ATG2B: variants seen among roughly 807,000 people sequenced by gnomAD.
ATG2B encodes the protein autophagy-related protein 2 homolog B.
A neutral mutation model predicts 241.3 loss-of-function variants in ATG2B; 121 were observed. The observed-to-expected ratio is 0.50, with a 90% CI of 0.43 to 0.58. ATG2B has a LOEUF of 0.58. ATG2B is among the 20% of genes least tolerant of loss of function. The pLI is 0.00. For missense variants in ATG2B, 2,306 were observed against 2,491.6 expected, an observed-to-expected ratio of 0.93 and a Z score of 1.59; for synonymous variants, 858 against 876.6, an observed-to-expected ratio of 0.98 and a Z score of 0.37.
chr14:96,345,184 A>T (rs1259865240), intron 3 of ATG2B, 49 bp downstream of exon 3: 6 of 1,515,760 alleles, frequency 4.0e-6, no homozygotes, highest in Non-Finnish European at 4.5e-6. Context: ...GAAGGTACAA[A>T]ACTACTAAAT....
chr14:96,355,794 TAG>T (rs1261808536), intron 1 of ATG2B, among the ~76,000 whole-genome samples: 1 of 152,152 alleles, frequency 6.6e-6, no homozygotes, highest in African/African-American at 2.4e-5. Context: ...CGTAATTCCA[TAG>T]ATTAACTAGG....
intron 6 of ATG2B, among the ~76,000 whole-genome samples, chr14:96,340,261 T>C (rs1385616591): frequency 6.8e-6 from 1 of 146,570 alleles, no homozygotes; most frequent in Non-Finnish European, 1.5e-5. Flanking sequence ...TCATCCTATA[T>C]ATGGACCCAT....
At chr14:96,314,022 A>G (rs1012456391) in intron 23 of ATG2B, among the ~76,000 whole-genome samples, 1 of 152,176 alleles carries the variant, frequency 6.6e-6, no homozygotes, top group Non-Finnish European at 1.5e-5. Context: ...CTCAGTCTAA[A>G]AACCAGTCCC....
At chr14:96,340,087 A>AATATATATATTC (rs1362017978) in intron 6 of ATG2B, among the ~76,000 whole-genome samples, 1 of 122,734 alleles carries the variant, frequency 8.1e-6, no homozygotes, top group Non-Finnish European at 1.8e-5. Context: ...GATATATATG[A>AATATATATATTC]ATATATGCTA....
rs531337022 is a variant in ATG2B at position 96,283,673 on chromosome 14, C to A, written c.*2082G>T. The A allele has an allele frequency of 1.4e-4, 21 of 152,150 alleles. No individual in the cohort carries two copies. The highest frequency in any genetic ancestry group is 5.1e-4 in the African/African-American group (21 of 41,440). The allele number at this position is 152,150 out of a possible 1,614,324, so 9.4% of individuals were successfully genotyped here. A position where few individuals can be genotyped will look rare whatever the true frequency, so the allele number is the denominator to read the frequency against. On this transcript the variant is annotated 3_prime_UTR_variant, in exon 42 of 42. Transcript: ENST00000359933. ...TACTGTGTCATCACAACACCAAAGT[C>A]TGAAAAGACACTTGTAAAAAAGAAA...
rs761588752 is a variant in ATG2B at position 96,309,612 on chromosome 14, A to G, written c.4162-18T>C. On this transcript the variant is annotated intron_variant, in intron 28 of 41. Transcript: ENST00000359933. Reference sequence around the variant, plus strand: ...GAATCTACCTATAGCCAAAAAACCTAATTAAAAATAACTGAAAATGCTCTT... The same window carrying G: ...GAATCTACCTATAGCCAAAAAACCTGATTAAAAATAACTGAAAATGCTCTT... 3 of 1,580,996 alleles carry G rather than the reference A, an allele frequency of 1.9e-6. 1 individual carries two copies. The highest frequency in any genetic ancestry group is 2.3e-5 in the South Asian group (2 of 86,758).
rs186782719 is a variant in ATG2B at position 96,301,340 on chromosome 14, C to G, written c.5139+667G>C. The stretch of plus-strand genomic sequence containing the variant: ...AAGCTACAGAACTAAGACTGGAACC[C>G]AGGTCTGACTCCAAACCCATGCTTC... On this transcript the variant is annotated intron_variant, in intron 34 of 41. Coordinates refer to ENST00000359933, the MANE Select transcript of ATG2B (RefSeq NM_018036.7). Among the ~76,000 whole-genome samples the G allele has an allele frequency of 4.3e-3, 650 of 152,222 alleles. 26 individuals are homozygous for G. In the South Asian group the frequency reaches 0.067, roughly 16 times the overall value.
rs1166113036 is a variant in ATG2B at position 96,284,415 on chromosome 14, T to C, written c.*1340A>G. On this transcript the variant is annotated 3_prime_UTR_variant, in exon 42 of 42. Transcript: ENST00000359933. ...TGCTTAGAAAATTTAGAGAACGAAATTGATTTAACTACATTTTCCAAGCCC... is the reference window on the plus strand; with the variant it reads ...TGCTTAGAAAATTTAGAGAACGAAACTGATTTAACTACATTTTCCAAGCCC... 1 of 152,228 alleles carries C rather than the reference T, an allele frequency of 6.6e-6. No individual in the cohort carries two copies. The highest frequency in any genetic ancestry group is 1.5e-5 in the Non-Finnish European group (1 of 68,038). 9.4% of individuals were successfully genotyped at this position (152,228 alleles called of 1,614,324 possible). A position where few individuals can be genotyped will look rare whatever the true frequency, so the allele number is the denominator to read the frequency against.
chr14:96,340,191 A>T (rs1268791925), intron 6 of ATG2B, among the ~76,000 whole-genome samples: 2 of 68,034 alleles, frequency 2.9e-5, no homozygotes, highest in African/African-American at 8.1e-5. Context: ...ACACGTATAT[A>T]TATTCACACA....
chr14:96,320,335 C>G (rs145655324), intron 18 of ATG2B, among the ~76,000 whole-genome samples: 1 of 151,864 alleles, frequency 6.6e-6, no homozygotes, highest in South Asian at 2.1e-4. Flanking sequence ...AAAACTGTAC[C>G]GTTTTAATTA....
Position 96,325,917 on chromosome 14 carries a change from C to T in ATG2B, c.2169G>A (p.Lys723=), listed in dbSNP as rs1328859220. The T allele has an allele frequency of 1.9e-5, 31 of 1,610,884 alleles. No individual in the cohort carries two copies. The highest frequency in any genetic ancestry group is 2.3e-5 in the Non-Finnish European group (27 of 1,178,450). ...TSYNKHISLH[K]AFTEVFLDDS... ...CATCTAGAAACACTTCAGTGAAAGC[C>T]TTGTGCTAAAACACAAAACATCAAA... is the stretch of plus-strand genomic sequence containing the variant. Residue 723 remains lysine (K), a synonymous_variant, in exon 15 of 42, where the codon AAG becomes AAA. Coordinates refer to ENST00000359933, the MANE Select transcript of ATG2B (RefSeq NM_018036.7).
chr14:96,332,671 C>A lies in ATG2B; in HGVS notation c.1208-16G>T. The A allele has an allele frequency of 6.5e-7, 1 of 1,532,586 alleles. No homozygotes were observed. The highest frequency in any genetic ancestry group is 8.7e-7 in the Non-Finnish European group (1 of 1,146,196). The allele number at this position is 1,532,586 out of a possible 1,614,324, so 94.9% of individuals were successfully genotyped here. On this transcript the variant is annotated splice_polypyrimidine_tract_variant and intron_variant, in intron 8 of 41. Transcript: ENST00000359933. Reference sequence around the variant, plus strand: ...ACTTCTTCTTCTAGAGAGAATTAAACTATGTCACTTGTATTATAATCCCAC... The same window carrying A: ...ACTTCTTCTTCTAGAGAGAATTAAAATATGTCACTTGTATTATAATCCCAC...
chr14:96,325,905 T>A lies in ATG2B; in HGVS notation c.2181A>T (p.Glu727Asp). ...KHISLHKAFT[E>D]VFLDDSHSPA... ...GACTATGTGAATCATCTAGAAACAC[T>A]TCAGTGAAAGCCTTGTGCTAAAACA... The change falls in exon 15 of 42, where the codon GAA becomes GAT. Residue 727 changes from glutamate (E) to aspartate (D), a missense_variant. Physicochemically the swap from Glu to Asp is conservative, Grantham distance 45. This residue lies in a region of ATG2B where 1,927 missense variants were observed against 2,011.2 expected (regional missense o/e 0.96). Transcript: ENST00000359933. 1 of 1,612,556 alleles carries A rather than the reference T, an allele frequency of 6.2e-7. No homozygotes were observed. Among genetic ancestry groups the A allele is most frequent in the Non-Finnish European group, 8.5e-7 (1 of 1,179,434 alleles).
chr14:96,290,556 T>A lies in ATG2B; in HGVS notation c.5736A>T (p.Ile1912=). 1 of 1,614,232 alleles carries A rather than the reference T, an allele frequency of 6.2e-7. No individual in the cohort carries two copies. The highest frequency in any genetic ancestry group is 8.5e-7 in the Non-Finnish European group (1 of 1,180,042). The change falls in exon 40 of 42, where the codon ATA becomes ATT. Residue 1912 remains isoleucine, a synonymous_variant. Transcript: ENST00000359933. This position sits in a 1 kb window ranked among gnomAD's most constrained non-coding sequence, Gnocchi z 4.4. Reference sequence around the variant, plus strand: ...TGCGGCCATCCTTCCGGTACTGCTCTATTGGGAGCCAGACCAAGTCCTTTA... The same window carrying A: ...TGCGGCCATCCTTCCGGTACTGCTCAATTGGGAGCCAGACCAAGTCCTTTA... The part of the protein sequence containing the change: ...QGLKDLVWLP[I]EQYRKDGRIV...
At chr14:96,334,678 A>T (rs1331670662) in intron 6 of ATG2B, among the ~76,000 whole-genome samples, 177 bp from the exon 7 acceptor site, 1 of 152,176 alleles carries the variant, frequency 6.6e-6, no homozygotes, top group Non-Finnish European at 1.5e-5. Context: ...AAGGCCACCA[A>T]ACTGTTGTTC....
In ATG2B at chr14:96,286,983, C is replaced by T. The variant is rs542793281; in HGVS notation, c.6007-998G>A. ...AAAAAGATGTCCAGAAGGCCGGGCG[C>T]GGTGGCTCACACCTGTAATCTCAGC... On this transcript the variant is annotated intron_variant, in intron 41 of 41. Coordinates refer to ENST00000359933, the MANE Select transcript of ATG2B (RefSeq NM_018036.7). 5.7e-4 allele frequency among the ~76,000 whole-genome samples: 86 copies of T among 152,098 alleles called. No individual in the cohort carries two copies. In the South Asian group the frequency reaches 8.9e-3, roughly 16 times the overall value.
chr14:96,290,062 C>T lies in ATG2B; in HGVS notation c.5857-257G>A. 1 of 1,164,282 alleles carries T rather than the reference C, an allele frequency of 8.6e-7. No homozygotes were observed. The highest frequency in any genetic ancestry group is 1.1e-6 in the Non-Finnish European group (1 of 895,438). The allele number at this position is 1,164,282 out of a possible 1,614,324, so 72.1% of individuals were successfully genotyped here. A position where few individuals can be genotyped will look rare whatever the true frequency, so the allele number is the denominator to read the frequency against. On this transcript the variant is annotated intron_variant, in intron 40 of 41. Transcript: ENST00000359933. The surrounding 1 kb of genome is among the most constrained non-coding windows in gnomAD (Gnocchi z 4.4). ...TCCTCTGTTCACTGAGAACACTCAA[C>T]ATTTCCACATCAGTCTATGGAGCTT...
Position 96,308,266 on chromosome 14 carries a change from A to ATATATATATG in ATG2B, c.4303+1186_4303+1187insCATATATATA, listed in dbSNP as rs1555365531. On this transcript the variant is annotated intron_variant, in intron 29 of 41. Transcript: ENST00000359933. ...TATATATATATACACACATATATAT[A>ATATATATATG]TATATATATATATATATTTTTTTTT... Among the ~76,000 whole-genome samples, 121 of 15,546 alleles carry ATATATATATG rather than the reference A, an allele frequency of 7.8e-3. 3 individuals are homozygous for ATATATATATG. The highest frequency in any genetic ancestry group is 0.021 in the African/African-American group (80 of 3,786). 10.2% of individuals were successfully genotyped at this position (15,546 alleles called of 152,430 possible).
At chr14:96,331,156 A>T (rs1887720368) in intron 11 of ATG2B, among the ~76,000 whole-genome samples, 1 of 152,228 alleles carries the variant, frequency 6.6e-6, no homozygotes, top group Non-Finnish European at 1.5e-5. Flanking sequence ...TATTATCTAG[A>T]TCTGTTATTC....
Sources: gnomAD v4.1 joint callset for allele counts (sites outside exome capture counted in the v4.1 genomes callset) on GRCh38, gnomAD v4.1.1 for gene constraint, gnomAD v4.1.1 regional missense constraint, Gnocchi (gnomAD v3.1) non-coding constraint, MANE v1.5 for transcripts, NCBI Gene and HGNC (gene_info 2026-07-23, HGNC 2026-07-21) for gene names.